FSTL4: variants seen among roughly 807,000 people sequenced by gnomAD.
FSTL4 encodes follistatin like 4.
FSTL4 carries 28 observed loss-of-function variants against 78.2 expected under a neutral mutation model. The ratio of observed to expected loss-of-function variants is 0.36; its 90% confidence interval spans 0.27 to 0.49. The LOEUF (loss-of-function observed/expected upper bound fraction) is 0.49, where lower values mean the gene tolerates loss of function less well. Among genes scored for constraint, FSTL4 ranks in the 20% least tolerant of loss-of-function variants. The pLI is 0.98. For missense variants in FSTL4, 922 were observed against 1,084.9 expected, an observed-to-expected ratio of 0.85 and a Z score of 2.11; for synonymous variants, 422 against 440.5, an observed-to-expected ratio of 0.96 and a Z score of 0.53.
At chr5:133,836,386 A>G in the FSTL4 span, among the ~76,000 whole-genome samples, 1 of 152,142 alleles carries the variant, frequency 6.6e-6, no homozygotes, top group Non-Finnish European at 1.5e-5. Flanking sequence ...CCTAAAGTAA[A>G]TTAGTATTTT....
chr5:133,373,003 C>T (rs962631458), intron 4 of FSTL4, among the ~76,000 whole-genome samples: 1 of 152,092 alleles, frequency 6.6e-6, no homozygotes, highest in Non-Finnish European at 1.5e-5. Flanking sequence ...AAATCCCCAA[C>T]GTGAAGGTAT....
intron 4 of FSTL4, among the ~76,000 whole-genome samples, chr5:133,360,882 C>T (rs1755054594): frequency 6.6e-6 from 1 of 152,162 alleles, no homozygotes; most frequent in Non-Finnish European, 1.5e-5. Context: ...AGTGATACTC[C>T]CTAACGCAGG....
At chr5:133,264,947 G>C (rs187969922) in intron 6 of FSTL4, among the ~76,000 whole-genome samples, 3 of 152,262 alleles carry the variant, frequency 2.0e-5, no homozygotes, top group Admixed American at 2.0e-4. Context: ...GTCCATTTTA[G>C]GGATGAATGA....
chr5:133,357,614 C>T (rs1164126607), intron 4 of FSTL4, among the ~76,000 whole-genome samples: 2 of 152,172 alleles, frequency 1.3e-5, no homozygotes, highest in African/African-American at 2.4e-5. Context: ...GTAACTTAAC[C>T]GTGAGAACGG....
At chr5:133,720,182 T>C in the FSTL4 span, among the ~76,000 whole-genome samples, 1 of 152,190 alleles carries the variant, frequency 6.6e-6, no homozygotes, top group African/African-American at 2.4e-5. Flanking sequence ...GAGATGCTCA[T>C]AGTAGGAAAA....
chr5:133,499,543 C>A (rs1161967745), intron 3 of FSTL4, among the ~76,000 whole-genome samples: 1 of 152,258 alleles, frequency 6.6e-6, no homozygotes, highest in African/African-American at 2.4e-5. Flanking sequence ...CAAATCCAAA[C>A]CCAAGAATCA....
chr5:133,750,429 GT>G, the FSTL4 span, among the ~76,000 whole-genome samples: 1 of 152,130 alleles, frequency 6.6e-6, no homozygotes, highest in Non-Finnish European at 1.5e-5. Context: ...ACAAAGAGAT[GT>G]TCTGACTCCC....
chr5:133,272,999 A>AG (rs1333764062), intron 6 of FSTL4, among the ~76,000 whole-genome samples: 1 of 152,220 alleles, frequency 6.6e-6, no homozygotes, highest in African/African-American at 2.4e-5. Context: ...CCCCTGCAGG[A>AG]GCAGGACGGA....
chr5:133,669,376 A>G, the FSTL4 span, among the ~76,000 whole-genome samples: 1 of 152,236 alleles, frequency 6.6e-6, no homozygotes, highest in Admixed American at 6.5e-5. Flanking sequence ...ATCCTCCCTG[A>G]GCACTTCTTC....
chr5:133,800,094 T>C, the FSTL4 span, among the ~76,000 whole-genome samples: 5 of 138,860 alleles, frequency 3.6e-5, no homozygotes, highest in South Asian at 2.3e-4. Context: ...ATGTAGACCA[T>C]ATGGGCTGCA....
intron 3 of FSTL4, among the ~76,000 whole-genome samples, chr5:133,479,286 T>C (rs1396117773): frequency 2.6e-5 from 4 of 152,146 alleles, no homozygotes; most frequent in African/African-American, 4.8e-5. Context: ...AAGGAGTAAA[T>C]AGGTGTCAGT....
chr5:133,804,897 C>A, the FSTL4 span, among the ~76,000 whole-genome samples: 1 of 139,736 alleles, frequency 7.2e-6, no homozygotes, highest in Non-Finnish European at 1.5e-5. Context: ...TGAGCCAAAT[C>A]GTGCCACTGC....
the FSTL4 span, among the ~76,000 whole-genome samples, chr5:133,617,815 G>T: frequency 6.6e-6 from 1 of 152,190 alleles, no homozygotes; most frequent in East Asian, 1.9e-4. Flanking sequence ...TTTCACAGGG[G>T]TGCTTAGGCA....
At chr5:133,667,873 A>G in the FSTL4 span, among the ~76,000 whole-genome samples, 1 of 152,270 alleles carries the variant, frequency 6.6e-6, no homozygotes, top group Non-Finnish European at 1.5e-5. Flanking sequence ...TGTGATGTCC[A>G]TGCAGAATGG....
intron 3 of FSTL4, among the ~76,000 whole-genome samples, chr5:133,439,765 C>A (rs1185934699): frequency 6.6e-6 from 1 of 152,186 alleles, no homozygotes; most frequent in Non-Finnish European, 1.5e-5. Context: ...TCCAGATGCA[C>A]ATGGGAGAGC....
chr5:133,810,469 A>T, the FSTL4 span, among the ~76,000 whole-genome samples: 1 of 152,342 alleles, frequency 6.6e-6, no homozygotes, highest in African/African-American at 2.4e-5. Context: ...TCCAAGGTCC[A>T]TTGTCTCATG....
intron 3 of FSTL4, among the ~76,000 whole-genome samples, chr5:133,503,262 T>C (rs891445474): frequency 6.6e-6 from 1 of 152,188 alleles, no homozygotes; most frequent in Admixed American, 6.5e-5. Context: ...GGAGATATGA[T>C]GGTAAATGTT....
the FSTL4 span, among the ~76,000 whole-genome samples, chr5:133,667,083 G>A: frequency 1.3e-5 from 2 of 152,124 alleles, no homozygotes; most frequent in South Asian, 4.2e-4. Context: ...CCTAATTCCT[G>A]ATCTTCTGCA....
chr5:133,688,412 CA>C, the FSTL4 span, among the ~76,000 whole-genome samples: 6 of 151,684 alleles, frequency 4.0e-5, no homozygotes, highest in African/African-American at 7.3e-5. Context: ...GACTCCGTCT[CA>C]AAAAAAACAA....
Sources: allele counts gnomAD v4.1 joint callset (sites outside exome capture counted in the v4.1 genomes callset), GRCh38; gene constraint gnomAD v4.1.1; transcripts MANE v1.5; gene names NCBI Gene and HGNC (gene_info 2026-07-23, HGNC 2026-07-21).